RBFOX1: variants seen among roughly 807,000 people sequenced by gnomAD.
The protein encoded by RBFOX1 is RNA binding fox-1 homolog 1, also known as RNA binding protein fox-1 homolog 1.
In RBFOX1, 8 loss-of-function variants were observed where a neutral mutation model predicts 57.7. The observed-to-expected ratio is 0.14, with a 90% CI of 0.08 to 0.25. RBFOX1 has a LOEUF of 0.25. RBFOX1 is among the 10% of genes least tolerant of loss of function. RBFOX1 has a pLI of 1.00. For missense variants in RBFOX1, 611 were observed against 548.5 expected, an observed-to-expected ratio of 1.11 and a Z score of -1.14; for synonymous variants, 326 against 222.4, an observed-to-expected ratio of 1.47 and a Z score of -4.15.
intron 4 of RBFOX1, among the ~76,000 whole-genome samples, chr16:7,175,295 G>T (rs1454726109): frequency 6.6e-6 from 1 of 152,130 alleles, no homozygotes; most frequent in African/African-American, 2.4e-5. Flanking sequence ...TGAGAACAAA[G>T]TGCATGATCT....
At chr16:6,478,576 C>G (rs1026925479) in intron 2 of RBFOX1, among the ~76,000 whole-genome samples, 4 of 150,984 alleles carry the variant, frequency 2.6e-5, no homozygotes, top group East Asian at 1.9e-4. Context: ...TTAAAAGTGT[C>G]TTCGTCATGA....
At chr16:6,028,330 G>C (rs2095235377) in intron 1 of RBFOX1, among the ~76,000 whole-genome samples, 1 of 152,030 alleles carries the variant, frequency 6.6e-6, no homozygotes, top group South Asian at 2.1e-4. Context: ...TAGAGAAAGT[G>C]CAGTAGTTTC....
At chr16:7,052,167 C>G (rs1364517821) in intron 4 of RBFOX1, 69 bp downstream of exon 4, 11 of 1,560,184 alleles carry the variant, frequency 7.1e-6, no homozygotes, top group Admixed American at 2.1e-5. Flanking sequence ...ATTTCCTTGT[C>G]TCTCCCAAGA....
chr16:6,966,424 C>G (rs953967227), intron 3 of RBFOX1, among the ~76,000 whole-genome samples: 11 of 152,028 alleles, frequency 7.2e-5, no homozygotes, highest in African/African-American at 2.7e-4. Context: ...GGGGGGTCTT[C>G]CAGAGGTCCC....
chr16:6,111,769 G>C (rs2096449280), intron 1 of RBFOX1, among the ~76,000 whole-genome samples: 1 of 152,140 alleles, frequency 6.6e-6, no homozygotes, highest in South Asian at 2.1e-4. Context: ...TTGGGTATAG[G>C]TAGTGGGGTC....
intron 1 of RBFOX1, among the ~76,000 whole-genome samples, chr16:5,324,900 C>A (rs1341296607): frequency 6.6e-6 from 1 of 152,088 alleles, no homozygotes; most frequent in East Asian, 1.9e-4. Flanking sequence ...ACTGCCAAAC[C>A]CATTTATCCC....
intron 1 of RBFOX1, among the ~76,000 whole-genome samples, chr16:5,388,369 G>T (rs2066311552): frequency 6.6e-6 from 1 of 152,170 alleles, no homozygotes; most frequent in African/African-American, 2.4e-5. Context: ...TCTATAAAGG[G>T]CCAGGTCCTA....
Position 6,805,633 on chromosome 16 carries a change from G to A in RBFOX1, c.-16+150983G>A, listed in dbSNP as rs147438467. Among the ~76,000 whole-genome samples the A allele has an allele frequency of 9.5e-3, 1,426 of 149,964 alleles. 10 individuals are homozygous for A. The highest frequency in any genetic ancestry group is 0.016 in the Non-Finnish European group (1,071 of 67,986). On this transcript the variant is annotated intron_variant, in intron 3 of 15. Transcript: ENST00000550418. ...ATCAAATTATTCCTGGTATCTCTTC[G>A]AGGATGTTTACAAGGAGGGAAGTCT...
chr16:7,437,934 A>G (rs1448108362), intron 4 of RBFOX1, among the ~76,000 whole-genome samples: 4 of 151,894 alleles, frequency 2.6e-5, no homozygotes, highest in South Asian at 4.2e-4. Flanking sequence ...CACCGCGATC[A>G]TCAATTTAAA....
intron 1 of RBFOX1, among the ~76,000 whole-genome samples, chr16:5,433,939 C>G (rs771566179): frequency 6.6e-6 from 1 of 152,260 alleles, no homozygotes; most frequent in East Asian, 1.9e-4. Flanking sequence ...CACTGTTTCT[C>G]AGTCCAGGCT....
chr16:5,592,425 T>G (rs547661536), intron 2 of RBFOX1, among the ~76,000 whole-genome samples: 2 of 152,138 alleles, frequency 1.3e-5, no homozygotes, highest in South Asian at 4.2e-4. Context: ...AATCTTTTTT[T>G]TTTTTTTCTG....
chr16:7,670,445 C>T (rs146449825), intron 13 of RBFOX1, among the ~76,000 whole-genome samples: 2 of 152,228 alleles, frequency 1.3e-5, no homozygotes, highest in East Asian at 3.9e-4. Context: ...AAGCCCTGAG[C>T]CCACAAACTC....
At position 7,437,261 on chromosome 16, in the gene RBFOX1, CT is replaced by C. The variant is rs1478818903; in HGVS notation, c.28-80883del. Among the ~76,000 whole-genome samples the C allele has an allele frequency of 2.0e-5, 3 of 146,528 alleles. No homozygotes were observed. The South Asian group carries it at 6.8e-4, about 33-fold the overall frequency. ...ATTAAATTATCTTTGCCCCCCCCCCCTTTCTGTTATATTAAATTAGTATCCT... is the reference window on the plus strand; with the variant it reads ...ATTAAATTATCTTTGCCCCCCCCCCCTTCTGTTATATTAAATTAGTATCCT... On this transcript the variant is annotated intron_variant, in intron 4 of 15. Transcript: ENST00000550418.
intron 3 of RBFOX1, among the ~76,000 whole-genome samples, chr16:7,048,284 G>C (rs1239125033): frequency 6.6e-6 from 1 of 151,108 alleles, no homozygotes; most frequent in Non-Finnish European, 1.5e-5. Context: ...GTTTTCGATG[G>C]AGTCTTGCTC....
intron 4 of RBFOX1, among the ~76,000 whole-genome samples, chr16:7,117,988 T>A (rs2066286464): frequency 6.6e-6 from 1 of 152,186 alleles, no homozygotes; most frequent in Non-Finnish European, 1.5e-5. Flanking sequence ...ATGCAATCAC[T>A]TAGGTTGATT....
chr16:7,001,145 A>T (rs2092752949), intron 3 of RBFOX1, among the ~76,000 whole-genome samples: 1 of 152,116 alleles, frequency 6.6e-6, no homozygotes. Context: ...CCAGTTTTCA[A>T]ATCCGTTTGA....
At position 6,682,339 on chromosome 16, in the gene RBFOX1, T is replaced by C. The variant is rs2286971; in HGVS notation, c.-16+27689T>C. ...CCAGCTGACCACTAGAGGCGCCCCT[T>C]GTGCTTGTACCGCAGTTGCTGCCAT... On this transcript the variant is annotated intron_variant, in intron 3 of 15. Coordinates refer to ENST00000550418, the MANE Select transcript of RBFOX1 (RefSeq NM_018723.4). Among the ~76,000 whole-genome samples the C allele has an allele frequency of 1.7e-3, 254 of 152,202 alleles. No homozygotes were observed. The East Asian group carries it at 0.028, about 17-fold the overall frequency.
intron 4 of RBFOX1, among the ~76,000 whole-genome samples, chr16:7,144,330 G>A (rs1001266623): frequency 8.6e-5 from 13 of 151,550 alleles, no homozygotes; most frequent in African/African-American, 3.2e-4. Context: ...GTCACTTTAG[G>A]GTTCACACTT....
intron 1 of RBFOX1, among the ~76,000 whole-genome samples, chr16:6,107,292 T>C (rs2096392927): frequency 6.6e-6 from 1 of 152,120 alleles, no homozygotes; most frequent in African/African-American, 2.4e-5. Context: ...GGAGTCTTCC[T>C]TTCACTACCC....
Sources: allele counts gnomAD v4.1 joint callset (sites outside exome capture counted in the v4.1 genomes callset), GRCh38; gene constraint gnomAD v4.1.1; transcripts MANE v1.5; gene names NCBI Gene and HGNC (gene_info 2026-07-23, HGNC 2026-07-21).